Variants in CD83 observed in about 807,000 individuals in gnomAD.
CD83 encodes the protein CD83 molecule.
A neutral mutation model predicts 24.6 loss-of-function variants in CD83; 22 were observed. That is an observed-to-expected ratio of 0.90 (90% CI 0.64 to 1.28). The LOEUF is 1.28. Among genes scored for constraint, CD83 ranks in the 50% most tolerant of loss-of-function variants. CD83 has a pLI of 0.00. For synonymous variants in CD83, 101 were observed against 103.5 expected, an observed-to-expected ratio of 0.98 and a Z score of 0.14; for missense variants, 253 against 252.8, an observed-to-expected ratio of 1.00 and a Z score of -0.01.
chr6:14,117,969 G>GAC lies in CD83; in HGVS notation c.58_59dup (p.Pro21ArgfsTer4), dbSNP rs1759575812. Reference sequence around the variant, plus strand: ...TTGTAGCCTACAGCCTGGCTCCCGCGACGCCGGAGGTGAAGGTGGCTTGCT... The same window carrying GAC: ...TTGTAGCCTACAGCCTGGCTCCCGCGACACGCCGGAGGTGAAGGTGGCTTGCT... On this transcript the variant is annotated frameshift_variant, in exon 2 of 5. Transcript: ENST00000379153. LOFTEE classifies it high-confidence loss of function. This position sits in a 1 kb window ranked among gnomAD's most constrained non-coding sequence, Gnocchi z 4.6. 6.2e-7 allele frequency: 1 copy of GAC among 1,609,160 alleles called. No individual in the cohort carries two copies.
intron 2 of CD83, among the ~76,000 whole-genome samples, 187 bp downstream of exon 2, chr6:14,118,252 G>A (rs1230471316): frequency 6.6e-6 from 1 of 152,150 alleles, no homozygotes; most frequent in African/African-American, 2.4e-5. Context: ...CAGGTACAGG[G>A]CCGAATTAGG....
chr6:14,131,883 G>A (rs1213597929), intron 3 of CD83, 135 bp downstream of exon 3: 18 of 635,130 alleles, frequency 2.8e-5, no homozygotes, highest in South Asian at 1.5e-4. Flanking sequence ...GTGGAAATCC[G>A]CTGCAAGCAT....
At chr6:14,122,654 T>A (rs2113388823) in intron 2 of CD83, among the ~76,000 whole-genome samples, 1 of 152,334 alleles carries the variant, frequency 6.6e-6, no homozygotes, top group East Asian at 1.9e-4. Flanking sequence ...AAAAAAATCG[T>A]ACTGTCCCCA....
rs1758066310 is a variant in CD83, at chr6:14,136,890, C to T, written c.*1654C>T. On this transcript the variant is annotated 3_prime_UTR_variant, in exon 5 of 5. Transcript: ENST00000379153. ...ACATATACAAATAAAAAAATCCCGA[C>T]TTTGGGATGAGTGCTAGGATGTTGT... The T allele has an allele frequency of 6.6e-6, 1 of 151,876 alleles. No individual in the cohort carries two copies. The highest frequency in any genetic ancestry group is 1.5e-5 in the Non-Finnish European group (1 of 67,998). The allele number at this position is 151,876 out of a possible 1,614,324, so 9.4% of individuals were successfully genotyped here.
intron 2 of CD83, among the ~76,000 whole-genome samples, chr6:14,118,804 G>T (rs1349474741): frequency 6.6e-6 from 1 of 152,172 alleles, no homozygotes; most frequent in African/African-American, 2.4e-5. Context: ...GGCAATGATG[G>T]TGTCATTCCA....
chr6:14,131,010 C>T (rs567984444), intron 2 of CD83, among the ~76,000 whole-genome samples: 3 of 152,278 alleles, frequency 2.0e-5, no homozygotes, highest in South Asian at 2.1e-4. Flanking sequence ...GGTGACTGTT[C>T]GCAGGAGGCG....
In CD83 at chr6:14,129,423, G is replaced by GA. The variant is rs1339625674; in HGVS notation, c.154-2092dup. ...TATGGTTTACTTAGGCTTGAAAAGG[G>GA]AAAAATGGTGCTAAATTAGATGTGT... is the stretch of plus-strand genomic sequence containing the variant. On this transcript the variant is annotated intron_variant, in intron 2 of 4. Coordinates refer to ENST00000379153, the MANE Select transcript of CD83 (RefSeq NM_004233.4). This position sits in a 1 kb window ranked among gnomAD's most constrained non-coding sequence, Gnocchi z 4.3. 6.6e-6 allele frequency among the ~76,000 whole-genome samples: 1 copy of GA among 152,174 alleles called. No homozygotes were observed. The highest frequency in any genetic ancestry group is 2.4e-5 in the African/African-American group (1 of 41,446).
At chr6:14,131,810 C>A in intron 3 of CD83, 62 bp downstream of exon 3, 1 of 1,152,308 alleles carries the variant, frequency 8.7e-7, no homozygotes, top group Non-Finnish European at 1.3e-6. Context: ...CCTTTAGGTC[C>A]TAAAATCGTT....
intron 2 of CD83, among the ~76,000 whole-genome samples, chr6:14,128,888 G>A (rs780094908): frequency 4.6e-4 from 70 of 152,184 alleles, no homozygotes; most frequent in Non-Finnish European, 8.8e-5. Flanking sequence ...TGAATTCTCT[G>A]CAAATAGGCA....
intron 3 of CD83, 92 bp downstream of exon 3, chr6:14,131,840 C>A (rs1757916357): frequency 8.6e-6 from 7 of 818,594 alleles, no homozygotes; most frequent in Non-Finnish European, 1.2e-5. Context: ...TGGAGTGTAG[C>A]TCTAGAGCTT....
intron 3 of CD83, among the ~76,000 whole-genome samples, chr6:14,133,424 A>G (rs1298815018): frequency 6.6e-6 from 1 of 152,186 alleles, no homozygotes; most frequent in African/African-American, 2.4e-5. Context: ...TGTTCTGAAG[A>G]TTCGGAAAGA....
rs1758052679 is a variant in CD83, at chr6:14,136,399, G to A, written c.*1163G>A. ...GGGAAGTGAGGAAGCCAGGTCCACG[G>A]TCTGTTCTTGAAGCAGTAGCCTAAC... On this transcript the variant is annotated 3_prime_UTR_variant, in exon 5 of 5. Coordinates refer to ENST00000379153, the MANE Select transcript of CD83 (RefSeq NM_004233.4). 1 of 152,310 alleles carries A rather than the reference G, an allele frequency of 6.6e-6. No individual in the cohort carries two copies. Among genetic ancestry groups the A allele is most frequent in the Non-Finnish European group, 1.5e-5 (1 of 68,040 alleles). The allele number at this position is 152,310 out of a possible 1,614,324, so 9.4% of individuals were successfully genotyped here.
In CD83 at chr6:14,129,859, GTGTGTA is replaced by G. The variant is rs1378511832; in HGVS notation, c.154-1659_154-1654del. On this transcript the variant is annotated intron_variant, in intron 2 of 4. Coordinates refer to ENST00000379153, the MANE Select transcript of CD83 (RefSeq NM_004233.4). The surrounding 1 kb of genome is among the most constrained non-coding windows in gnomAD (Gnocchi z 4.3). ...TGTGTGTGTGTGTGTGTGTGTGTGT[GTGTGTA>G]TACGAGTGCACACGTGCCCATGTGT... 6.7e-6 allele frequency among the ~76,000 whole-genome samples: 1 copy of G among 148,324 alleles called. No individual in the cohort carries two copies. The highest frequency in any genetic ancestry group is 2.6e-5 in the African/African-American group (1 of 38,978).
At chr6:14,130,966 A>G (rs1377451201) in intron 2 of CD83, among the ~76,000 whole-genome samples, 1 of 152,254 alleles carries the variant, frequency 6.6e-6, no homozygotes, top group Non-Finnish European at 1.5e-5. Flanking sequence ...GACGTCAGGC[A>G]TGACCACACA....
chr6:14,119,985 A>C (rs1032541281), intron 2 of CD83, among the ~76,000 whole-genome samples: 1 of 152,214 alleles, frequency 6.6e-6, no homozygotes, highest in Non-Finnish European at 1.5e-5. Flanking sequence ...TCGGTAACGC[A>C]TGAGCTTGTT....
At position 14,136,883 on chromosome 6, in the gene CD83, A is replaced by C. The variant is rs980175736; in HGVS notation, c.*1647A>C. 3 of 152,222 alleles carry C rather than the reference A, an allele frequency of 2.0e-5. No homozygotes were observed. Among genetic ancestry groups the C allele is most frequent in the Admixed American group, 6.5e-5 (1 of 15,276 alleles). 9.4% of individuals were successfully genotyped at this position (152,222 alleles called of 1,614,324 possible). Reference sequence around the variant, plus strand: ...ATAAAAAACATATACAAATAAAAAAATCCCGACTTTGGGATGAGTGCTAGG... The same window carrying C: ...ATAAAAAACATATACAAATAAAAAACTCCCGACTTTGGGATGAGTGCTAGG... On this transcript the variant is annotated 3_prime_UTR_variant, in exon 5 of 5. Coordinates refer to ENST00000379153, the MANE Select transcript of CD83 (RefSeq NM_004233.4).
At chr6:14,132,354 G>T (rs2113403229) in intron 3 of CD83, among the ~76,000 whole-genome samples, 1 of 152,352 alleles carries the variant, frequency 6.6e-6, no homozygotes, top group South Asian at 2.1e-4. Flanking sequence ...TTGCAGAGGA[G>T]AGTGGAGAGG....
In CD83 at chr6:14,129,215, T is replaced by C. The variant is rs1759889018; in HGVS notation, c.154-2305T>C. Reference sequence around the variant, plus strand: ...CAAGATTGGACATCGGAATGGGGACTGCAGGGACTGGGCCGAGCTAATTAT... The same window carrying C: ...CAAGATTGGACATCGGAATGGGGACCGCAGGGACTGGGCCGAGCTAATTAT... On this transcript the variant is annotated intron_variant, in intron 2 of 4. Transcript: ENST00000379153. The surrounding 1 kb of genome is among the most constrained non-coding windows in gnomAD (Gnocchi z 4.3). Among the ~76,000 whole-genome samples the C allele has an allele frequency of 6.6e-6, 1 of 152,254 alleles. No homozygotes were observed. Among genetic ancestry groups the C allele is most frequent in the African/African-American group, 2.4e-5 (1 of 41,472 alleles).
rs1757899502 is a variant in CD83 at position 14,131,559 on chromosome 6, G to A, written c.193G>A (p.Glu65Lys). Reference protein sequence around the residue: ...GGEERMETPQEDHLRGQHYHQ... With the variant: ...GGEERMETPQKDHLRGQHYHQ... ...TGAAGAGAGGATGGAGACACCCCAG[G>A]AAGACCACCTCAGGGGACAGCACTA... Residue 65 changes from glutamate (E) to lysine (K), a missense_variant, in exon 3 of 5, where the codon GAA (glutamate) becomes AAA (lysine). Glu to Lys is a moderately conservative substitution (Grantham distance 56). Transcript: ENST00000379153. 4 of 1,614,098 alleles carry A rather than the reference G, an allele frequency of 2.5e-6. No homozygotes were observed. The highest frequency in any genetic ancestry group is 3.4e-6 in the Non-Finnish European group (4 of 1,180,014).
Sources: gnomAD v4.1 joint callset for allele counts (sites outside exome capture counted in the v4.1 genomes callset) on GRCh38, gnomAD v4.1.1 for gene constraint, Gnocchi (gnomAD v3.1) non-coding constraint, MANE v1.5 for transcripts, NCBI Gene and HGNC (gene_info 2026-07-23, HGNC 2026-07-21) for gene names.